Variants in KTN1 observed in about 807,000 individuals in gnomAD.
KTN1 encodes kinectin 1, also known as kinectin.
In KTN1, 130 loss-of-function variants were observed where a neutral mutation model predicts 222.5. The ratio of observed to expected loss-of-function variants is 0.58; its 90% CI spans 0.51 to 0.68. KTN1 has a LOEUF of 0.68. Ranked by LOEUF, KTN1 falls within the 30% of genes least tolerant of loss-of-function variation. The probability of loss-of-function intolerance (pLI) is 0.00; values close to 1 mark genes in which losing one functional copy is unlikely to be tolerated. For missense variants in KTN1, 1,508 were observed against 1,500.4 expected (o/e 1.01, Z -0.08); for synonymous variants, 512 against 496.3 (o/e 1.03, Z -0.42).
chr14:55,640,859 TA>T, intron 15 of KTN1, 73 bp from the exon 16 acceptor site: 2 of 1,221,898 alleles, frequency 1.6e-6, no homozygotes, highest in Non-Finnish European at 2.4e-6. Flanking sequence ...TTTTAATATG[TA>T]AAAATTAGTG....
intron 1 of KTN1, among the ~76,000 whole-genome samples, chr14:55,581,093 A>G (rs1306854758): frequency 6.6e-6 from 1 of 152,204 alleles, no homozygotes; most frequent in East Asian, 1.9e-4. Context: ...AGTTTCCAAA[A>G]GTGAGATTTT....
At position 55,634,535 on chromosome 14, in the gene KTN1, A is replaced by C. The variant is rs772566602; in HGVS notation, c.1338A>C (p.Ala446=). ...TTNQLESKQS[A]ELNKLRQDYA... is the part of the protein sequence containing the mutation. ...CAGTTACTGTTTTCAGGCAGTCTGCAGAACTAAATAAACTACGCCAGGATT... is the reference window on the plus strand; with the variant it reads ...CAGTTACTGTTTTCAGGCAGTCTGCCGAACTAAATAAACTACGCCAGGATT... Residue 446 remains alanine, a synonymous_variant, in exon 9 of 44, where the codon GCA becomes GCC. Coordinates refer to ENST00000395314, the MANE Select transcript of KTN1 (RefSeq NM_001079521.2). 1 of 1,611,266 alleles carries C rather than the reference A, an allele frequency of 6.2e-7. No individual in the cohort carries two copies. The highest frequency in any genetic ancestry group is 1.3e-5 in the African/African-American group (1 of 74,818).
chr14:55,666,612 A>G (rs755010128), intron 33 of KTN1, among the ~76,000 whole-genome samples: 6 of 151,974 alleles, frequency 3.9e-5, no homozygotes, highest in African/African-American at 7.2e-5. Context: ...GAGTCCATAT[A>G]CAAGTGTCAG....
At position 55,629,929 on chromosome 14, in the gene KTN1, T is replaced by A. The variant is rs10129537; in HGVS notation, c.1081-28T>A. ...CTTATGATACTTATTAAATAACAAG[T>A]TTTTAAATTTCTGGGATATTCTTTT... On this transcript the variant is annotated intron_variant, in intron 6 of 43. Coordinates refer to ENST00000395314, the MANE Select transcript of KTN1 (RefSeq NM_001079521.2). The A allele has an allele frequency of 6.7e-3, 9,795 of 1,459,334 alleles. 96 individuals carry two copies. The highest frequency in any genetic ancestry group is 0.037 in the African/African-American group (2,647 of 70,880). 90.4% of individuals were successfully genotyped at this position (1,459,334 alleles called of 1,614,324 possible). A position where few individuals can be genotyped will look rare whatever the true frequency, so the allele number is the denominator to read the frequency against.
chr14:55,661,457 T>G (rs1312318277), intron 31 of KTN1, 65 bp from the exon 32 acceptor site: 3 of 799,532 alleles, frequency 3.8e-6, no homozygotes, highest in Non-Finnish European at 6.5e-6. Flanking sequence ...TGTTGATAGG[T>G]AGGGATCTAA....
intron 5 of KTN1, among the ~76,000 whole-genome samples, chr14:55,623,440 C>T (rs1001304308): frequency 2.0e-5 from 3 of 152,204 alleles, no homozygotes; most frequent in Non-Finnish European, 4.4e-5. Flanking sequence ...AGTGCTGTGG[C>T]GCAATCTCTG....
At chr14:55,590,178 C>CA (rs2033861267) in intron 1 of KTN1, among the ~76,000 whole-genome samples, 1 of 152,130 alleles carries the variant, frequency 6.6e-6, no homozygotes. Context: ...AGCAGGGAAG[C>CA]TTATGCCTGT....
chr14:55,662,697 T>G (rs1308564695), intron 32 of KTN1, among the ~76,000 whole-genome samples: 1 of 152,208 alleles, frequency 6.6e-6, no homozygotes, highest in African/African-American at 2.4e-5. Context: ...GTGTGTTTTC[T>G]GTTTTTCAAA....
At chr14:55,604,214 C>T (rs961002821) in intron 1 of KTN1, among the ~76,000 whole-genome samples, 4 of 152,166 alleles carry the variant, frequency 2.6e-5, no homozygotes, top group South Asian at 2.1e-4. Flanking sequence ...ACCCGAACCA[C>T]GTTGTCCTTA....
intron 5 of KTN1, among the ~76,000 whole-genome samples, chr14:55,620,972 CTG>C (rs1264426660): frequency 6.6e-6 from 1 of 152,196 alleles, no homozygotes; most frequent in African/African-American, 2.4e-5. Flanking sequence ...CCTCTTAAAA[CTG>C]AATGCTGTTA....
In KTN1 at chr14:55,658,601, A is replaced by G. The variant is rs2043761398; in HGVS notation, c.2948A>G (p.Gln983Arg). The G allele has an allele frequency of 6.2e-7, 1 of 1,604,590 alleles. No individual in the cohort carries two copies. Among genetic ancestry groups the G allele is most frequent in the Non-Finnish European group, 8.5e-7 (1 of 1,172,828 alleles). The change falls in exon 30 of 44, where the codon CAA (glutamine) becomes CGA (arginine). Residue 983 changes from glutamine (Q) to arginine (R), a missense_variant. Physicochemically the swap from Gln to Arg is conservative, Grantham distance 43. Transcript: ENST00000395314. ...FKSQIEQLKQQNYQQASSFPP... is the reference protein window; with the variant it reads ...FKSQIEQLKQRNYQQASSFPP... ...TCCCAAATTGAGCAGCTTAAACAAC[A>G]AAACTACCAACAGGTAGGTATTATT...
intron 30 of KTN1, 58 bp downstream of exon 30, chr14:55,658,672 G>A (rs1407474302): frequency 2.1e-6 from 2 of 960,200 alleles, no homozygotes; most frequent in East Asian, 4.9e-5. Context: ...TATATAACCA[G>A]TGACATATGA....
Position 55,667,358 on chromosome 14 carries a change from A to G in KTN1, c.3267+28A>G, listed in dbSNP as rs769495045. On this transcript the variant is annotated intron_variant, in intron 34 of 43. Coordinates refer to ENST00000395314, the MANE Select transcript of KTN1 (RefSeq NM_001079521.2). ...AAGACTAATTTATTATTTTTTTAAC[A>G]TGATGACATTATTCAAGAAAGGTGT... is the stretch of plus-strand genomic sequence containing the variant. 4.5e-6 allele frequency: 6 copies of G among 1,319,754 alleles called. 1 individual carries two copies. The South Asian group carries it at 7.5e-5, about 17-fold the overall frequency. 81.8% of individuals were successfully genotyped at this position (1,319,754 alleles called of 1,614,324 possible).
intron 18 of KTN1, among the ~76,000 whole-genome samples, chr14:55,643,076 AT>A (rs1375669835): frequency 1.3e-5 from 2 of 151,918 alleles, no homozygotes; most frequent in Non-Finnish European, 2.9e-5. Context: ...TGCTCCGCTG[AT>A]TTTTGTATTT....
chr14:55,590,906 C>G (rs1391081611), intron 1 of KTN1, among the ~76,000 whole-genome samples: 2 of 152,104 alleles, frequency 1.3e-5, no homozygotes, highest in Non-Finnish European at 2.9e-5. Context: ...GATCTCCTGA[C>G]CTTGTGATCC....
At chr14:55,680,662 C>G (rs964889781) in intron 43 of KTN1, 1 of 1,348,626 alleles carries the variant, frequency 7.4e-7, no homozygotes, top group Non-Finnish European at 1.0e-6. Flanking sequence ...TTTGATCTTA[C>G]AGGAGCGTTT....
intron 25 of KTN1, among the ~76,000 whole-genome samples, chr14:55,652,608 C>G (rs1013974465): frequency 6.6e-6 from 1 of 152,084 alleles, no homozygotes; most frequent in Admixed American, 6.5e-5. Context: ...ACCGTGTTAG[C>G]CAGGATGGTC....
At chr14:55,603,499 T>A (rs773064989) in intron 1 of KTN1, among the ~76,000 whole-genome samples, 7 of 152,332 alleles carry the variant, frequency 4.6e-5, no homozygotes, top group African/African-American at 1.7e-4. Flanking sequence ...TAATAGACTT[T>A]ATTCATCTGG....
rs372868952 is a variant in KTN1 at position 55,637,399 on chromosome 14, A to G, written c.1716+35A>G. On this transcript the variant is annotated intron_variant, in intron 11 of 43. Transcript: ENST00000395314. ...CTTCTTTTTTTTTTTTTAAAAAAATACAGGTGGTCACTTATTAGATCTGTG... is the reference window on the plus strand; with the variant it reads ...CTTCTTTTTTTTTTTTTAAAAAAATGCAGGTGGTCACTTATTAGATCTGTG... 1.7e-5 allele frequency: 24 copies of G among 1,390,800 alleles called. No homozygotes were observed. The South Asian group carries it at 3.3e-4, about 19-fold the overall frequency. The allele number at this position is 1,390,800 out of a possible 1,614,324, so 86.2% of individuals were successfully genotyped here. A position where few individuals can be genotyped will look rare whatever the true frequency, so the allele number is the denominator to read the frequency against.
Sources: gnomAD v4.1 joint callset for allele counts (sites outside exome capture counted in the v4.1 genomes callset) on GRCh38, gnomAD v4.1.1 for gene constraint, MANE v1.5 for transcripts, NCBI Gene and HGNC (gene_info 2026-07-23, HGNC 2026-07-21) for gene names.